The following NRG3 variants were observed in gnomAD, a reference collection of about 807,000 sequenced individuals.
The protein encoded by NRG3 is pro-neuregulin-3, membrane-bound isoform.
NRG3 carries 31 observed loss-of-function variants against 66.9 expected under a neutral mutation model. That is an observed-to-expected ratio of 0.46 (90% confidence interval 0.35 to 0.63). NRG3 has a LOEUF of 0.63. Ranked by LOEUF, NRG3 falls within the 20% of genes least tolerant of loss-of-function variation. The pLI, the probability that NRG3 is intolerant of heterozygous loss-of-function variation, is 0.00. For synonymous variants in NRG3, 393 were observed against 359.4 expected (o/e 1.09, Z -1.06); for missense variants, 910 against 878.9 (o/e 1.04, Z -0.45).
At chr10:82,395,783 A>G (rs564342200) in intron 2 of NRG3, among the ~76,000 whole-genome samples, 6 of 152,322 alleles carry the variant, frequency 3.9e-5, no homozygotes, top group South Asian at 4.1e-4. Flanking sequence ...GAATGTAAAC[A>G]TGACCAATTA....
chr10:82,048,666 A>G (rs2063435004), intron 1 of NRG3, among the ~76,000 whole-genome samples: 1 of 151,840 alleles, frequency 6.6e-6, no homozygotes, highest in Admixed American at 6.6e-5. Context: ...CAAAACTGAC[A>G]CCCTAACATC....
chr10:82,381,641 T>C (rs1266264017), intron 2 of NRG3, among the ~76,000 whole-genome samples: 1 of 152,212 alleles, frequency 6.6e-6, no homozygotes, highest in African/African-American at 2.4e-5. Context: ...ATTTGTGAGA[T>C]TTATATCTTA....
intron 1 of NRG3, among the ~76,000 whole-genome samples, chr10:81,936,584 A>G (rs1847890653): frequency 6.6e-6 from 1 of 152,106 alleles, no homozygotes; most frequent in Non-Finnish European, 1.5e-5. Flanking sequence ...TCACAAGAGA[A>G]CATGTGAGAG....
chr10:82,811,940 C>G (rs559477123), intron 3 of NRG3, among the ~76,000 whole-genome samples: 1 of 152,306 alleles, frequency 6.6e-6, no homozygotes, highest in South Asian at 2.1e-4. Context: ...ATCCTACAAT[C>G]TTTGGTCACA....
rs192417111 is a variant in NRG3, at chr10:82,366,603, T to C, written c.953+7735T>C. ...ACTTAATCAGCGTAACGGGCCATAA[T>C]TGTGTCAATAACATGAAATTGTTGT... On this transcript the variant is annotated intron_variant, in intron 2 of 8. Coordinates refer to ENST00000372141, the MANE Select transcript of NRG3 (RefSeq NM_001010848.4). 5.0e-3 allele frequency among the ~76,000 whole-genome samples: 764 copies of C among 152,306 alleles called. 6 individuals are homozygous for C. The highest frequency in any genetic ancestry group is 0.018 in the African/African-American group (730 of 41,568).
intron 2 of NRG3, among the ~76,000 whole-genome samples, chr10:82,584,363 G>A (rs1438619403): frequency 3.3e-5 from 5 of 152,188 alleles, no homozygotes; most frequent in Non-Finnish European, 7.3e-5. Context: ...TGGGATTACA[G>A]GCATGAGCCA....
intron 1 of NRG3, among the ~76,000 whole-genome samples, chr10:81,911,523 G>T (rs1325098281): frequency 6.6e-6 from 1 of 151,160 alleles, no homozygotes; most frequent in Non-Finnish European, 1.5e-5. Context: ...CCCGAAAAAG[G>T]TACAGCAGGT....
In NRG3 at chr10:82,367,131, T is replaced by C. The variant is rs117579857; in HGVS notation, c.953+8263T>C. On this transcript the variant is annotated intron_variant, in intron 2 of 8. Transcript: ENST00000372141. ...GTTTATGTATAACTATTCAATGTCA[T>C]ACACACACGGAGACGTGCACACACT... 3.9e-3 allele frequency among the ~76,000 whole-genome samples: 589 copies of C among 152,246 alleles called. 6 individuals carry two copies. The highest frequency in any genetic ancestry group is 9.2e-3 in the Admixed American group (140 of 15,294).
At chr10:81,926,578 C>T (rs1476177529) in intron 1 of NRG3, among the ~76,000 whole-genome samples, 1 of 152,056 alleles carries the variant, frequency 6.6e-6, no homozygotes, top group Non-Finnish European at 1.5e-5. Context: ...ATTTATGCCA[C>T]ATGACAAGTG....
chr10:82,265,800 A>G (rs1036905130), intron 1 of NRG3, among the ~76,000 whole-genome samples: 1 of 152,216 alleles, frequency 6.6e-6, no homozygotes, highest in Non-Finnish European at 1.5e-5. Context: ...GATGGAAACC[A>G]GAAGCATTCA....
chr10:82,462,136 T>C (rs1005409319), intron 2 of NRG3, among the ~76,000 whole-genome samples: 2 of 151,844 alleles, frequency 1.3e-5, no homozygotes, highest in Non-Finnish European at 2.9e-5. Flanking sequence ...CATCTCAAAA[T>C]AAATAAATAA....
intron 1 of NRG3, among the ~76,000 whole-genome samples, chr10:81,920,463 C>T (rs1327829881): frequency 6.6e-6 from 1 of 152,004 alleles, no homozygotes; most frequent in East Asian, 1.9e-4. Flanking sequence ...TTGATCACAG[C>T]CCACTCAGGT....
intron 2 of NRG3, among the ~76,000 whole-genome samples, chr10:82,404,314 C>T (rs1432822489): frequency 6.6e-6 from 1 of 152,144 alleles, no homozygotes; most frequent in African/African-American, 2.4e-5. Flanking sequence ...CACCCCAAGA[C>T]GACCTTAGTA....
chr10:82,959,013 A>T lies in NRG3; in HGVS notation c.1222A>T (p.Lys408Ter). 6.2e-7 allele frequency: 1 copy of T among 1,608,754 alleles called. No individual in the cohort carries two copies. The highest frequency in any genetic ancestry group is 1.7e-5 in the Admixed American group (1 of 58,386). Residue 408 changes from lysine to a stop codon, truncating the protein, a stop_gained, in exon 6 of 9, where the codon AAA (lysine) becomes TAA (stop). Coordinates refer to ENST00000372141, the MANE Select transcript of NRG3 (RefSeq NM_001010848.4). LOFTEE classifies it high-confidence loss of function. ...ACAAAATGGTAAAAGCTACAGTCTC[A>T]AAGCATCCAGCACAATGGCAAAGTC... Reference protein sequence around the residue: ...VPQNGKSYSLKASSTMAKSEN... With the variant: ...VPQNGKSYSL
intron 2 of NRG3, among the ~76,000 whole-genome samples, chr10:82,506,063 C>T (rs1028566902): frequency 5.9e-5 from 9 of 152,092 alleles, no homozygotes; most frequent in Non-Finnish European, 1.0e-4. Flanking sequence ...CTGGCTAACA[C>T]GGAAAAACCC....
At chr10:82,417,343 T>C (rs763467907) in intron 2 of NRG3, among the ~76,000 whole-genome samples, 19 of 152,106 alleles carry the variant, frequency 1.2e-4, no homozygotes, top group Non-Finnish European at 2.4e-4. Context: ...AAGAAGAGAA[T>C]AGTATTCCAG....
At chr10:81,885,143 A>G (rs1842519832) in intron 1 of NRG3, among the ~76,000 whole-genome samples, 1 of 152,122 alleles carries the variant, frequency 6.6e-6, no homozygotes. Flanking sequence ...CTTGTAGGTG[A>G]TTCAATGTAA....
intron 1 of NRG3, among the ~76,000 whole-genome samples, chr10:82,227,066 T>C (rs2076200294): frequency 6.6e-6 from 1 of 152,184 alleles, no homozygotes; most frequent in African/African-American, 2.4e-5. Context: ...ATGTATGACA[T>C]GTTCATGTCT....
intron 4 of NRG3, among the ~76,000 whole-genome samples, chr10:82,888,915 G>A (rs1273193779): frequency 6.6e-6 from 1 of 152,060 alleles, no homozygotes; most frequent in Non-Finnish European, 1.5e-5. Flanking sequence ...AACTTTCCAG[G>A]CATAGGAAAG....
Sources: allele counts gnomAD v4.1 joint callset (sites outside exome capture counted in the v4.1 genomes callset), GRCh38; gene constraint gnomAD v4.1.1; transcripts MANE v1.5; gene names NCBI Gene and HGNC (gene_info 2026-07-23, HGNC 2026-07-21).